The following CRTC1 variants were observed in gnomAD, a reference collection of about 807,000 sequenced individuals.
CRTC1 encodes the protein CREB regulated transcription coactivator 1.
CRTC1 carries 18 observed loss-of-function variants against 66.1 expected under a neutral mutation model. That is an observed-to-expected ratio of 0.27 (90% CI 0.19 to 0.40). CRTC1 has a LOEUF of 0.40. Ranked by LOEUF, CRTC1 falls within the 10% of genes least tolerant of loss-of-function variation. The pLI, the probability that CRTC1 is intolerant of heterozygous loss-of-function variation, is 1.00. For missense variants in CRTC1, 669 were observed against 887.9 expected, an observed-to-expected ratio of 0.75 and a Z score of 3.13; for synonymous variants, 416 against 398.8, an observed-to-expected ratio of 1.04 and a Z score of -0.51.
chr19:18,712,735 A>G (rs2053419698), intron 1 of CRTC1, among the ~76,000 whole-genome samples: 1 of 152,008 alleles, frequency 6.6e-6, no homozygotes, highest in South Asian at 2.1e-4. Context: ...CAAGGCGGGC[A>G]GATCGCTCGA....
chr19:18,762,214 C>A (rs910222105), intron 8 of CRTC1, among the ~76,000 whole-genome samples: 1 of 152,328 alleles, frequency 6.6e-6, no homozygotes, highest in East Asian at 1.9e-4. Context: ...CCCCAGCGCC[C>A]GCCCGGGAGC....
intron 3 of CRTC1, among the ~76,000 whole-genome samples, chr19:18,746,266 TG>T (rs2054234020): frequency 6.6e-6 from 1 of 151,872 alleles, no homozygotes; most frequent in East Asian, 1.9e-4. Flanking sequence ...GGCAGGGCAG[TG>T]GGGCCAGGAA....
chr19:18,747,136 C>T, intron 4 of CRTC1, 22 bp downstream of exon 4: 2 of 878,156 alleles, frequency 2.3e-6, no homozygotes, highest in Non-Finnish European at 3.5e-6. Flanking sequence ...GACACCCCCC[C>T]CCCGCCCCCT....
chr19:18,755,593 C>CTTTTTTTT (rs58121199), intron 6 of CRTC1, among the ~76,000 whole-genome samples: 1 of 107,498 alleles, frequency 9.3e-6, no homozygotes, highest in Non-Finnish European at 1.9e-5. Flanking sequence ...CCAAACCTGG[C>CTTTTTTTT]TTTTTTTTTT....
chr19:18,744,113 C>T (rs915815753), intron 2 of CRTC1: 8 of 1,613,136 alleles, frequency 5.0e-6, no homozygotes, highest in East Asian at 4.5e-5. Context: ...TTCAGCCCAG[C>T]GGATTTCTGG....
At chr19:18,720,380 C>T (rs927134543) in intron 1 of CRTC1, among the ~76,000 whole-genome samples, 2 of 151,914 alleles carry the variant, frequency 1.3e-5, no homozygotes, top group East Asian at 1.9e-4. Flanking sequence ...GAGACAGTCT[C>T]GCTCTGTCAC....
intron 1 of CRTC1, among the ~76,000 whole-genome samples, chr19:18,713,674 TC>T (rs2053442307): frequency 6.9e-6 from 1 of 145,826 alleles, no homozygotes; most frequent in Admixed American, 6.9e-5. Flanking sequence ...TAGCTCAAGG[TC>T]CAGGTTCGTG....
chr19:18,742,213 A>G (rs917730634), intron 1 of CRTC1, among the ~76,000 whole-genome samples: 3 of 152,150 alleles, frequency 2.0e-5, no homozygotes, highest in Non-Finnish European at 4.4e-5. Flanking sequence ...AGCGTGACCC[A>G]TCAGGGAGCT....
At chr19:18,732,894 A>G (rs563481153) in intron 1 of CRTC1, among the ~76,000 whole-genome samples, 12 of 151,982 alleles carry the variant, frequency 7.9e-5, no homozygotes, top group Non-Finnish European at 1.6e-4. Flanking sequence ...GTTCAAGACC[A>G]GCCTGGGCAA....
chr19:18,736,241 T>G (rs552013890), intron 1 of CRTC1, among the ~76,000 whole-genome samples: 1 of 152,186 alleles, frequency 6.6e-6, no homozygotes, highest in African/African-American at 2.4e-5. Context: ...CCAGGGTCCC[T>G]CTGCCTTCAT....
rs533211322 is a variant in CRTC1 at position 18,729,805 on chromosome 19, C to T, written c.127-13105C>T. Among the ~76,000 whole-genome samples, 3 of 152,134 alleles carry T rather than the reference C, an allele frequency of 2.0e-5. No homozygotes were observed. In the South Asian group the frequency reaches 6.2e-4, roughly 32 times the overall value. On this transcript the variant is annotated intron_variant, in intron 1 of 13. Transcript: ENST00000321949. The stretch of plus-strand genomic sequence containing the variant: ...CATTTGCTTGGAAGCCCCTTCAGTT[C>T]CCAGCCCCGCAGCCCTGTGGCCTCC...
chr19:18,720,677 C>T (rs896478909), intron 1 of CRTC1, among the ~76,000 whole-genome samples: 9 of 151,988 alleles, frequency 5.9e-5, no homozygotes, highest in Non-Finnish European at 1.2e-4. Context: ...AACTTTGGTA[C>T]TTTCAGTAGA....
At chr19:18,736,338 TCCCAGGA>T (rs2053996567) in intron 1 of CRTC1, among the ~76,000 whole-genome samples, 2 of 152,152 alleles carry the variant, frequency 1.3e-5, no homozygotes, top group African/African-American at 4.8e-5. Flanking sequence ...CCTGGTCAGC[TCCCAGGA>T]TCCAGGATCC....
chr19:18,741,064 C>T lies in CRTC1; in HGVS notation c.127-1846C>T, dbSNP rs2054100438. 6.6e-6 allele frequency among the ~76,000 whole-genome samples: 1 copy of T among 152,200 alleles called. No homozygotes were observed. On this transcript the variant is annotated intron_variant, in intron 1 of 13. Coordinates refer to ENST00000321949, the MANE Select transcript of CRTC1 (RefSeq NM_015321.3). This position sits in a 1 kb window ranked among gnomAD's most constrained non-coding sequence, Gnocchi z 4.2. Reference sequence around the variant, plus strand: ...GAAAAGCAGAGTCCCCACTCAGTGTCCACTCCTGGCCCAGGGGCTGTGCTC... The same window carrying T: ...GAAAAGCAGAGTCCCCACTCAGTGTTCACTCCTGGCCCAGGGGCTGTGCTC...
At chr19:18,693,483 T>G (rs1451490779) in intron 1 of CRTC1, among the ~76,000 whole-genome samples, 4 of 144,716 alleles carry the variant, frequency 2.8e-5, no homozygotes, top group Admixed American at 1.4e-4. Flanking sequence ...TCTTTTGTTT[T>G]TGTTTTTTTT....
rs547416989 is a variant in CRTC1 at position 18,710,605 on chromosome 19, T to A, written c.126+26777T>A. Among the ~76,000 whole-genome samples the A allele has an allele frequency of 7.7e-4, 117 of 152,224 alleles. 4 individuals are homozygous for A. In the South Asian group the frequency reaches 0.018, roughly 23 times the overall value. ...GACTGTTTATTTTTTACATTTATTTTTTATTTATTATTTATTTATTTTTTG... is the reference window on the plus strand; with the variant it reads ...GACTGTTTATTTTTTACATTTATTTATTATTTATTATTTATTTATTTTTTG... On this transcript the variant is annotated intron_variant, in intron 1 of 13. Coordinates refer to ENST00000321949, the MANE Select transcript of CRTC1 (RefSeq NM_015321.3).
At chr19:18,686,165 G>T (rs2052679503) in intron 1 of CRTC1, among the ~76,000 whole-genome samples, 2 of 151,862 alleles carry the variant, frequency 1.3e-5, no homozygotes, top group African/African-American at 4.8e-5. Flanking sequence ...CCTATTCTGG[G>T]CATTTTATAT....
rs993102152 is a variant in CRTC1 at position 18,741,022 on chromosome 19, A to T, written c.127-1888A>T. On this transcript the variant is annotated intron_variant, in intron 1 of 13. Coordinates refer to ENST00000321949, the MANE Select transcript of CRTC1 (RefSeq NM_015321.3). The surrounding 1 kb of genome is among the most constrained non-coding windows in gnomAD (Gnocchi z 4.2). ...TCCATCTCAAAAAAACAAACAAACAACAACAACAACAAAAAAGAAAAGCAG... is the reference window on the plus strand; with the variant it reads ...TCCATCTCAAAAAAACAAACAAACATCAACAACAACAAAAAAGAAAAGCAG... Among the ~76,000 whole-genome samples, 1 of 152,064 alleles carries T rather than the reference A, an allele frequency of 6.6e-6. No homozygotes were observed. Among genetic ancestry groups the T allele is most frequent in the Non-Finnish European group, 1.5e-5 (1 of 68,002 alleles).
intron 1 of CRTC1, among the ~76,000 whole-genome samples, chr19:18,706,288 T>C (rs2053264881): frequency 7.4e-6 from 1 of 135,398 alleles, no homozygotes; most frequent in Admixed American, 8.5e-5. Flanking sequence ...CACTGCAACC[T>C]CCTCCTCCCG....
Sources: allele counts gnomAD v4.1 joint callset (sites outside exome capture counted in the v4.1 genomes callset), GRCh38; gene constraint gnomAD v4.1.1; non-coding constraint Gnocchi (gnomAD v3.1); transcripts MANE v1.5; gene names NCBI Gene and HGNC (gene_info 2026-07-23, HGNC 2026-07-21).